Variants in CCSER1 observed in about 807,000 individuals in gnomAD.
The protein encoded by CCSER1 is serine-rich coiled-coil domain-containing protein 1.
CCSER1 carries 41 observed loss-of-function variants against 82.0 expected under a neutral mutation model. That is an observed-to-expected ratio of 0.50 (90% CI 0.39 to 0.65). The LOEUF (loss-of-function observed/expected upper bound fraction) is 0.65. Ranked by LOEUF, CCSER1 falls within the 30% of genes least tolerant of loss-of-function variation. The pLI, the probability that CCSER1 is intolerant of heterozygous loss-of-function variation, is 0.00. For missense variants in CCSER1, 1,119 were observed against 1,064.2 expected, an observed-to-expected ratio of 1.05 and a Z score of -0.72; for synonymous variants, 414 against 383.9, an observed-to-expected ratio of 1.08 and a Z score of -0.92.
intron 1 of CCSER1, among the ~76,000 whole-genome samples, chr4:90,181,499 A>G (rs2726): frequency 0.29 from 43,595 of 151,946 alleles, 7,970 homozygotes; most frequent in East Asian, 0.65. Context: ...CCATCTCAAG[A>G]GAGGACAATG....
At chr4:90,594,831 G>A (rs540917685) in intron 5 of CCSER1, among the ~76,000 whole-genome samples, 69 of 152,020 alleles carry the variant, frequency 4.5e-4, no homozygotes, top group African/African-American at 1.5e-3. Context: ...GTTAAAACTT[G>A]GTTTTAGATA....
chr4:90,686,790 G>A (rs1336987609), intron 6 of CCSER1, among the ~76,000 whole-genome samples: 1 of 152,086 alleles, frequency 6.6e-6, no homozygotes, highest in Admixed American at 6.6e-5. Flanking sequence ...GAAGAATAGA[G>A]CAAATTGTCT....
intron 5 of CCSER1, among the ~76,000 whole-genome samples, chr4:90,610,300 T>TAAA (rs1553959615): frequency 7.7e-6 from 1 of 130,216 alleles, no homozygotes; most frequent in African/African-American, 2.9e-5. Flanking sequence ...AATAAATAAA[T>TAAA]AAAATGTGAT....
chr4:91,017,331 G>A (rs1354944317), intron 9 of CCSER1: 1 of 152,122 alleles, frequency 6.6e-6, no homozygotes, highest in African/African-American at 2.4e-5. Flanking sequence ...CTTCACTAAA[G>A]ACATTGTACA....
chr4:90,520,097 A>C (rs1465513547), intron 5 of CCSER1, among the ~76,000 whole-genome samples: 1 of 152,008 alleles, frequency 6.6e-6, no homozygotes, highest in Non-Finnish European at 1.5e-5. Flanking sequence ...TTATAGATTA[A>C]AGTGATATCA....
At position 90,573,424 on chromosome 4, in the gene CCSER1, C is replaced by T. The variant is rs142504320; in HGVS notation, c.1725-54601C>T. ...GTGGTAGGCCCAGTGGTAGAGTCCA[C>T]GGCAAAATCTTGTGCTTGCTTCCCT... On this transcript the variant is annotated intron_variant, in intron 5 of 10. Transcript: ENST00000509176. Among the ~76,000 whole-genome samples, 491 of 152,308 alleles carry T rather than the reference C, an allele frequency of 3.2e-3. 3 individuals are homozygous for T. Among genetic ancestry groups the T allele is most frequent in the African/African-American group, 0.011 (469 of 41,560 alleles).
At chr4:91,272,000 T>A (rs973540269) in intron 10 of CCSER1, among the ~76,000 whole-genome samples, 1 of 152,208 alleles carries the variant, frequency 6.6e-6, no homozygotes, top group Non-Finnish European at 1.5e-5. Flanking sequence ...AGTTTCTTTA[T>A]CTACACATTG....
intron 8 of CCSER1, among the ~76,000 whole-genome samples, chr4:90,830,481 T>G (rs543475342): frequency 2.0e-5 from 3 of 152,248 alleles, no homozygotes; most frequent in East Asian, 3.9e-4. Flanking sequence ...ACTTGTGGAG[T>G]ATGACACTGA....
chr4:91,178,825 G>C (rs1393685656), intron 10 of CCSER1, among the ~76,000 whole-genome samples: 3 of 152,068 alleles, frequency 2.0e-5, no homozygotes, highest in Non-Finnish European at 4.4e-5. Context: ...TGTTATGTGT[G>C]AATTTGATCC....
intron 9 of CCSER1, among the ~76,000 whole-genome samples, chr4:90,991,653 C>T (rs1392243838): frequency 6.6e-6 from 1 of 151,918 alleles, no homozygotes; most frequent in East Asian, 1.9e-4. Context: ...CAAGTATGAC[C>T]TCATTTTAAA....
intron 10 of CCSER1, among the ~76,000 whole-genome samples, chr4:91,388,836 T>C (rs1021902088): frequency 6.6e-5 from 10 of 152,204 alleles, no homozygotes; most frequent in South Asian, 2.1e-4. Flanking sequence ...TCTGGGTCTT[T>C]TGTTTCTCCA....
intron 3 of CCSER1, among the ~76,000 whole-genome samples, chr4:90,319,847 G>C (rs988157247): frequency 6.6e-6 from 1 of 152,044 alleles, no homozygotes; most frequent in African/African-American, 2.4e-5. Flanking sequence ...TAATAAAAAT[G>C]GAAGCCATTA....
At chr4:90,130,311 A>G (rs1317590822) in intron 1 of CCSER1, among the ~76,000 whole-genome samples, 4 of 152,206 alleles carry the variant, frequency 2.6e-5, no homozygotes, top group African/African-American at 4.8e-5. Context: ...AACCCGTAAC[A>G]ATAAGAGATT....
intron 3 of CCSER1, among the ~76,000 whole-genome samples, chr4:90,395,811 T>C (rs1462628937): frequency 1.3e-5 from 2 of 151,730 alleles, no homozygotes; most frequent in Non-Finnish European, 2.9e-5. Context: ...AAAACCTTCA[T>C]GCCTGTAATC....
At chr4:90,450,506 G>A (rs1384863462) in intron 4 of CCSER1, among the ~76,000 whole-genome samples, 1 of 152,148 alleles carries the variant, frequency 6.6e-6, no homozygotes, top group African/African-American at 2.4e-5. Context: ...TAAGCGTAGG[G>A]TATCCATGGA....
At chr4:90,632,465 T>G (rs144821509) in intron 6 of CCSER1, among the ~76,000 whole-genome samples, 1 of 151,954 alleles carries the variant, frequency 6.6e-6, no homozygotes, top group Non-Finnish European at 1.5e-5. Context: ...TGTTATGCTA[T>G]TTTATAATAT....
chr4:90,429,389 A>G (rs1178807094), intron 4 of CCSER1, among the ~76,000 whole-genome samples: 2 of 151,782 alleles, frequency 1.3e-5, no homozygotes, highest in Non-Finnish European at 1.5e-5. Flanking sequence ...GAATTAGTAA[A>G]CTATCTGCAC....
chr4:90,889,205 A>G (rs1160744172), intron 8 of CCSER1, among the ~76,000 whole-genome samples: 1 of 152,284 alleles, frequency 6.6e-6, no homozygotes, highest in Admixed American at 6.5e-5. Flanking sequence ...TTCCACAGAC[A>G]TTTCCTGCTA....
chr4:91,578,905 T>C (rs769735177), intron 10 of CCSER1, among the ~76,000 whole-genome samples: 10 of 151,886 alleles, frequency 6.6e-5, no homozygotes, highest in Non-Finnish European at 1.2e-4. Context: ...TATGTGTGTA[T>C]GTCTATTTGT....
Sources: gnomAD v4.1 joint callset for allele counts (sites outside exome capture counted in the v4.1 genomes callset) on GRCh38, gnomAD v4.1.1 for gene constraint, MANE v1.5 for transcripts, NCBI Gene and HGNC (gene_info 2026-07-23, HGNC 2026-07-21) for gene names.